LRP1: variants seen among roughly 807,000 people sequenced by gnomAD.
LRP1 encodes the protein LDL receptor related protein 1, also known as prolow-density lipoprotein receptor-related protein 1.
A neutral mutation model predicts 541.5 loss-of-function variants in LRP1; 51 were observed. The ratio of observed to expected loss-of-function variants is 0.09; its 90% CI spans 0.08 to 0.12. The LOEUF (loss-of-function observed/expected upper bound fraction) is 0.12. LRP1 is among the 10% of genes least tolerant of loss of function. The pLI is 1.00. For synonymous variants in LRP1, 2,219 were observed against 2,470.8 expected, an observed-to-expected ratio of 0.90 and a Z score of 3.02; for missense variants, 3,878 against 6,376.2, an observed-to-expected ratio of 0.61 and a Z score of 13.34.
rs776558919 is a variant in LRP1, at chr12:57,206,595, A to G, written c.11713A>G (p.Met3905Val). The G allele has an allele frequency of 1.9e-6, 3 of 1,614,174 alleles. No homozygotes were observed. Among genetic ancestry groups the G allele is most frequent in the South Asian group, 1.1e-5 (1 of 91,080 alleles). The part of the protein sequence containing the change: ...QGDESVRIDA[M>V]DVHVKAGRVY... ...TGACGAGAGTGTCCGCATTGATGCT[A>G]TGGATGTCCATGTCAAGGCTGGCCG... The change falls in exon 76 of 89, where the codon ATG becomes GTG. Residue 3905 changes from methionine to valine, a missense_variant. Met to Val is a conservative substitution (Grantham distance 21, BLOSUM62 1). Coordinates refer to ENST00000243077, the MANE Select transcript of LRP1 (RefSeq NM_002332.3). This position sits in a 1 kb window ranked among gnomAD's most constrained non-coding sequence, Gnocchi z 4.7.
At chr12:57,167,130 C>T in intron 18 of LRP1, 84 bp downstream of exon 18, 3 of 1,149,752 alleles carry the variant, frequency 2.6e-6, no homozygotes, top group Non-Finnish European at 3.9e-6. Flanking sequence ...GCCGGAGACA[C>T]CTGCAACCCA....
chr12:57,200,678 C>G, intron 63 of LRP1, 21 bp from the exon 64 acceptor site: 1 of 1,606,548 alleles, frequency 6.2e-7, no homozygotes, highest in Non-Finnish European at 8.5e-7. Flanking sequence ...CGCTCTGACT[C>G]TGAGCCTCCC....
In LRP1 at chr12:57,154,200, C is replaced by T; in HGVS notation, c.842-8C>T. On this transcript the variant is annotated splice_region_variant and splice_polypyrimidine_tract_variant and intron_variant, in intron 6 of 88. Coordinates refer to ENST00000243077, the MANE Select transcript of LRP1 (RefSeq NM_002332.3). The surrounding 1 kb of genome is among the most constrained non-coding windows in gnomAD (Gnocchi z 4.6). ...CCACCCCATGGCTCTTTCATTCGTA[C>T]TCTCCAGACGTGGAACAGATGGCCA... 12 of 1,609,026 alleles carry T rather than the reference C, an allele frequency of 7.5e-6. No homozygotes were observed. Among genetic ancestry groups the T allele is most frequent in the Non-Finnish European group, 9.4e-6 (11 of 1,175,904 alleles).
At position 57,162,024 on chromosome 12, in the gene LRP1, T is replaced by G. The variant is rs2035745867; in HGVS notation, c.2203-293T>G. Among the ~76,000 whole-genome samples the G allele has an allele frequency of 6.6e-6, 1 of 152,024 alleles. No homozygotes were observed. The highest frequency in any genetic ancestry group is 1.5e-5 in the Non-Finnish European group (1 of 67,994). ...GTGTGTGTGTGTGTGTGTGCACGTA[T>G]GTGTGCGTGTGTGTGTTTGGGGACT... On this transcript the variant is annotated intron_variant, in intron 13 of 88. Coordinates refer to ENST00000243077, the MANE Select transcript of LRP1 (RefSeq NM_002332.3). This position sits in a 1 kb window ranked among gnomAD's most constrained non-coding sequence, Gnocchi z 5.2.
At chr12:57,181,463 G>A (rs1323505790) in intron 34 of LRP1, among the ~76,000 whole-genome samples, 172 bp downstream of exon 34, 1 of 152,134 alleles carries the variant, frequency 6.6e-6, no homozygotes, top group African/African-American at 2.4e-5. Flanking sequence ...TAGGATTTTG[G>A]AAAAATAGAT....
chr12:57,190,968 G>T lies in LRP1; in HGVS notation c.7195G>T (p.Asp2399Tyr). 1 of 1,612,768 alleles carries T rather than the reference G, an allele frequency of 6.2e-7. No homozygotes were observed. Among genetic ancestry groups the T allele is most frequent in the Non-Finnish European group, 8.5e-7 (1 of 1,179,992 alleles). The change falls in exon 43 of 89, where the codon GAC becomes TAC. Residue 2399 changes from aspartate to tyrosine, a missense_variant. Physicochemically the swap from Asp to Tyr is radical, Grantham distance 160. This residue lies in a region of LRP1 where 1,100 missense variants were observed against 1,827.4 expected (regional missense o/e 0.60). Coordinates refer to ENST00000243077, the MANE Select transcript of LRP1 (RefSeq NM_002332.3). ...EKLYFSDATL[D>Y]KIERCEYDGS... ...GCTCTACTTCTCTGACGCCACCCTG[G>T]ACAAGATCGAGCGGTGCGAGTATGA...
rs35883845 is a variant in LRP1 at position 57,209,344 on chromosome 12, C to T, written c.12262+145C>T. 1,111 of 697,246 alleles carry T rather than the reference C, an allele frequency of 1.6e-3. 12 individuals carry two copies. In the African/African-American group the frequency reaches 0.017, roughly 11 times the overall value. The allele number at this position is 697,246 out of a possible 1,614,324, so 43.2% of individuals were successfully genotyped here. On this transcript the variant is annotated intron_variant, in intron 79 of 88. Transcript: ENST00000243077. ...TGCAGCGCCTTCCAGGCCTCTCCAG[C>T]TGGCCTCCCCCTGAACCAGCCCTGC...
In LRP1 at chr12:57,198,465, G is replaced by A. The variant is rs2036580447; in HGVS notation, c.9471G>A (p.Gly3157=). The change falls in exon 60 of 89, where the codon GGG becomes GGA. Residue 3157 remains glycine, a splice_region_variant and synonymous_variant. Transcript: ENST00000243077. The part of the protein sequence containing the change: ...PRALVVDVQN[G]YLYWTDWGDH... ...GGGCTCACTGCCTACCCATCGCCAG[G>A]TACCTGTACTGGACAGACTGGGGTG... 1.2e-6 allele frequency: 2 copies of A among 1,613,770 alleles called. No homozygotes were observed. Among genetic ancestry groups the A allele is most frequent in the East Asian group, 4.5e-5 (2 of 44,874 alleles).
In LRP1 at chr12:57,205,877, T is replaced by C. The variant is rs1433710338; in HGVS notation, c.11590+200T>C. On this transcript the variant is annotated intron_variant, in intron 75 of 88. Transcript: ENST00000243077. The surrounding 1 kb of genome is among the most constrained non-coding windows in gnomAD (Gnocchi z 4.6). ...CTGGGGCTGGCTGACTGAAGGAGTC[T>C]GGGGTGTGGCAGTGCTCTGAATTGC... 1.3e-5 allele frequency: 10 copies of C among 742,154 alleles called. No individual in the cohort carries two copies. Among genetic ancestry groups the C allele is most frequent in the African/African-American group, 3.5e-5 (2 of 56,464 alleles). The allele number at this position is 742,154 out of a possible 1,614,324, so 46.0% of individuals were successfully genotyped here. A position where few individuals can be genotyped will look rare whatever the true frequency, so the allele number is the denominator to read the frequency against.
In LRP1 at chr12:57,195,341, C is replaced by T; in HGVS notation, c.8379C>T (p.Leu2793=). Residue 2793 remains leucine, a synonymous_variant, in exon 52 of 89, where the codon CTC becomes CTT. Transcript: ENST00000243077. ...ACGTGTGCGTCCCCGAGCGCTGGCT[C>T]TGTGACGGTGACAAAGACTGTGCTG... ...GTHVCVPERW[L]CDGDKDCADG... is the part of the protein sequence containing the mutation. The T allele has an allele frequency of 3.1e-6, 5 of 1,612,612 alleles. No homozygotes were observed. The highest frequency in any genetic ancestry group is 4.2e-6 in the Non-Finnish European group (5 of 1,180,024).
Position 57,128,978 on chromosome 12 carries a change from C to T in LRP1, c.14C>T (p.Pro5Leu), listed in dbSNP as rs761479241. 36 of 1,551,056 alleles carry T rather than the reference C, an allele frequency of 2.3e-5. No individual in the cohort carries two copies. The highest frequency in any genetic ancestry group is 1.2e-4 in the Admixed American group (6 of 50,950). Reference protein sequence around the residue: MLTPPLLLLLPLLSA... With the variant: MLTPLLLLLLPLLSA... Reference sequence around the variant, plus strand: ...TCAGCCCACACCATGCTGACCCCGCCGTTGCTCCTGCTGCTGCCCCTGCTC... The same window carrying T: ...TCAGCCCACACCATGCTGACCCCGCTGTTGCTCCTGCTGCTGCCCCTGCTC... Residue 5 changes from proline (P) to leucine (L), a missense_variant, in exon 1 of 89, where the codon CCG becomes CTG. Around this residue, in one of 13 missense-constraint regions of LRP1, gnomAD observed 293 missense variants for 403.7 expected, o/e 0.73. Coordinates refer to ENST00000243077, the MANE Select transcript of LRP1 (RefSeq NM_002332.3).
intron 33 of LRP1, 54 bp downstream of exon 33, chr12:57,180,861 C>G: frequency 6.2e-7 from 1 of 1,605,104 alleles, no homozygotes; most frequent in Non-Finnish European, 8.5e-7. Flanking sequence ...GGGGAGCCGT[C>G]CAGAGCTGCA....
At chr12:57,138,926 C>T (rs574897805) in intron 2 of LRP1, among the ~76,000 whole-genome samples, 1 of 152,322 alleles carries the variant, frequency 6.6e-6, no homozygotes, top group East Asian at 1.9e-4. Context: ...ATGATTGGCC[C>T]CAGGTCTTGT....
rs995621476 is a variant in LRP1 at position 57,158,996 on chromosome 12, G to A, written c.1798+358G>A. Among the ~76,000 whole-genome samples the A allele has an allele frequency of 6.6e-6, 1 of 152,224 alleles. No individual in the cohort carries two copies. The highest frequency in any genetic ancestry group is 2.4e-5 in the African/African-American group (1 of 41,454). ...AGATCAAAACAGGGCACACCCACAT[G>A]TATGTGCGCACACAGGGTCTGTGCA... On this transcript the variant is annotated intron_variant, in intron 11 of 88. Coordinates refer to ENST00000243077, the MANE Select transcript of LRP1 (RefSeq NM_002332.3). This position sits in a 1 kb window ranked among gnomAD's most constrained non-coding sequence, Gnocchi z 5.3.
At chr12:57,132,387 C>A (rs1046442474) in intron 1 of LRP1, among the ~76,000 whole-genome samples, 1 of 152,162 alleles carries the variant, frequency 6.6e-6, no homozygotes, top group Non-Finnish European at 1.5e-5. Context: ...TTTCCTCCCT[C>A]CTTTCTACCC....
Position 57,159,883 on chromosome 12 carries a change from G to A in LRP1, c.1857G>A (p.Thr619=), listed in dbSNP as rs535216477. ...GGATGGGAGACAATCTGTACTGGAC[G>A]GACGATGGGCCCAAAAAGACAATCA... ...VDWMGDNLYW[T]DDGPKKTISV... Residue 619 remains threonine, a synonymous_variant, in exon 12 of 89, where the codon ACG becomes ACA. Transcript: ENST00000243077. 4.2e-5 allele frequency: 68 copies of A among 1,614,216 alleles called. No homozygotes were observed. In the East Asian group the frequency reaches 7.8e-4, roughly 19 times the overall value.
chr12:57,136,625 G>C (rs2035176054), intron 1 of LRP1, among the ~76,000 whole-genome samples: 1 of 152,212 alleles, frequency 6.6e-6, no homozygotes, highest in Non-Finnish European at 1.5e-5. Flanking sequence ...GAAAGGCCAG[G>C]AGACTGGGAG....
chr12:57,143,624 C>T (rs998651314), intron 3 of LRP1, 55 bp from the exon 4 acceptor site: 47 of 1,583,230 alleles, frequency 3.0e-5, no homozygotes, highest in South Asian at 6.9e-5. Flanking sequence ...TTGTGGCCTG[C>T]GTGGAGCTGC....
chr12:57,173,223 A>C lies in LRP1; in HGVS notation c.3219A>C (p.Gly1073=). Residue 1073 remains glycine (G), a synonymous_variant, in exon 21 of 89, where the codon GGA becomes GGC. Transcript: ENST00000243077. The surrounding 1 kb of genome is among the most constrained non-coding windows in gnomAD (Gnocchi z 4.7). ...HTDEFQCRLD[G]LCIPLRWRCD... is the part of the protein sequence containing the mutation. ...ATGAGTTCCAGTGCCGGCTGGATGGACTATGCATCCCCCTGCGGTGGCGCT... is the reference window on the plus strand; with the variant it reads ...ATGAGTTCCAGTGCCGGCTGGATGGCCTATGCATCCCCCTGCGGTGGCGCT... The C allele has an allele frequency of 1.2e-6, 2 of 1,613,800 alleles. No homozygotes were observed. The highest frequency in any genetic ancestry group is 1.7e-6 in the Non-Finnish European group (2 of 1,179,946).
Sources: gnomAD v4.1 joint callset for allele counts (sites outside exome capture counted in the v4.1 genomes callset) on GRCh38, gnomAD v4.1.1 for gene constraint, gnomAD v4.1.1 regional missense constraint, Gnocchi (gnomAD v3.1) non-coding constraint, MANE v1.5 for transcripts, NCBI Gene and HGNC (gene_info 2026-07-23, HGNC 2026-07-21) for gene names.